Variants in GALNT7 observed in about 807,000 individuals in gnomAD.
GALNT7 encodes the protein N-acetylgalactosaminyltransferase 7.
A neutral mutation model predicts 82.1 loss-of-function variants in GALNT7; 60 were observed. That is an observed-to-expected ratio of 0.73 (90% CI 0.59 to 0.91). GALNT7 has a LOEUF of 0.91. Ranked by LOEUF, GALNT7 falls within the 40% of genes least tolerant of loss-of-function variation. GALNT7 has a pLI of 0.00. For missense variants in GALNT7, 660 were observed against 804.2 expected (o/e 0.82, Z 2.17); for synonymous variants, 243 against 275.1 (o/e 0.88, Z 1.15).
intron 5 of GALNT7, among the ~76,000 whole-genome samples, chr4:173,296,665 T>C (rs1425492791): frequency 2.0e-5 from 3 of 152,230 alleles, no homozygotes; most frequent in African/African-American, 4.8e-5. Flanking sequence ...GCTAATAAAC[T>C]GTCAGACCAA....
At chr4:173,312,995 G>T (rs988468745) in intron 8 of GALNT7, among the ~76,000 whole-genome samples, 14 of 151,998 alleles carry the variant, frequency 9.2e-5, no homozygotes, top group African/African-American at 3.4e-4. Flanking sequence ...GGAGGCAGAG[G>T]TTGCAGTGAG....
intron 1 of GALNT7, among the ~76,000 whole-genome samples, chr4:173,230,532 T>G (rs768926926): frequency 6.6e-6 from 1 of 152,216 alleles, no homozygotes; most frequent in African/African-American, 2.4e-5. Context: ...TATCATATTT[T>G]TAATGTTTTA....
chr4:173,198,080 G>GTT (rs1358867994), intron 1 of GALNT7, among the ~76,000 whole-genome samples: 2 of 149,918 alleles, frequency 1.3e-5, no homozygotes, highest in Non-Finnish European at 3.0e-5. Flanking sequence ...TTTTTTTTGA[G>GTT]ACGGAGTCTC....
At chr4:173,218,496 A>G (rs935846399) in intron 1 of GALNT7, among the ~76,000 whole-genome samples, 18 of 152,044 alleles carry the variant, frequency 1.2e-4, no homozygotes, top group African/African-American at 4.3e-4. Flanking sequence ...AACAGCATCC[A>G]AGCAGGGCCA....
chr4:173,311,731 G>A (rs1381308858), intron 8 of GALNT7, among the ~76,000 whole-genome samples: 1 of 152,162 alleles, frequency 6.6e-6, no homozygotes, highest in East Asian at 1.9e-4. Context: ...CTCCAACATT[G>A]GGGATTATAA....
At chr4:173,278,282 T>G (rs954586511) in intron 2 of GALNT7, among the ~76,000 whole-genome samples, 1 of 152,184 alleles carries the variant, frequency 6.6e-6, no homozygotes, top group Non-Finnish European at 1.5e-5. Context: ...GATATTTGAG[T>G]AAAGTGTTCA....
At chr4:173,228,683 C>CA (rs140095196) in intron 1 of GALNT7, among the ~76,000 whole-genome samples, 11 of 151,718 alleles carry the variant, frequency 7.3e-5, no homozygotes, top group Admixed American at 2.0e-4. Flanking sequence ...GATGGCTTTA[C>CA]AAAAAAAACT....
chr4:173,213,440 AG>A (rs1295857359), intron 1 of GALNT7, among the ~76,000 whole-genome samples: 1 of 152,128 alleles, frequency 6.6e-6, no homozygotes, highest in African/African-American at 2.4e-5. Context: ...GAAGCTGGCA[AG>A]AAAAAAAAAG....
intron 1 of GALNT7, among the ~76,000 whole-genome samples, chr4:173,170,843 G>A (rs79772460): frequency 0.015 from 2,256 of 152,220 alleles, 39 homozygotes; most frequent in East Asian, 0.057. Context: ...AAGAGGTGGC[G>A]GAACATCAGC....
At chr4:173,303,332 AAAG>A (rs2126850488) in intron 7 of GALNT7, among the ~76,000 whole-genome samples, 1 of 152,324 alleles carries the variant, frequency 6.6e-6, no homozygotes, top group Admixed American at 6.5e-5. Context: ...GGAAAAGTAC[AAAG>A]AAGAGAACAC....
At chr4:173,233,115 ATTTTCT>A (rs1734090767) in intron 1 of GALNT7, among the ~76,000 whole-genome samples, 1 of 152,136 alleles carries the variant, frequency 6.6e-6, no homozygotes. Flanking sequence ...TACATACCAC[ATTTTCT>A]TTATCCATTC....
chr4:173,201,958 A>G (rs961104605), intron 1 of GALNT7, among the ~76,000 whole-genome samples: 4 of 152,234 alleles, frequency 2.6e-5, no homozygotes, highest in African/African-American at 7.2e-5. Context: ...AGAGAGGAAA[A>G]TCAATCCAAA....
intron 2 of GALNT7, among the ~76,000 whole-genome samples, chr4:173,254,907 T>C (rs1431440641): frequency 1.3e-5 from 2 of 152,226 alleles, no homozygotes; most frequent in African/African-American, 4.8e-5. Context: ...CCAGATTTAC[T>C]TTAAAATAAG....
chr4:173,308,433 G>GT lies in GALNT7; in HGVS notation c.1389+4325dup, dbSNP rs553478218. ...TCACACATGAGTAAAATATGGTTTGGTTTTTTTTTTAATTTAGATAATCAT... is the reference window on the plus strand; with the variant it reads ...TCACACATGAGTAAAATATGGTTTGGTTTTTTTTTTTAATTTAGATAATCAT... On this transcript the variant is annotated intron_variant, in intron 8 of 11. Transcript: ENST00000265000. 9.0e-4 allele frequency among the ~76,000 whole-genome samples: 135 copies of GT among 149,382 alleles called. 1 individual carries two copies. Among genetic ancestry groups the GT allele is most frequent in the South Asian group, 8.3e-3 (39 of 4,674 alleles).
At chr4:173,173,268 C>T (rs1731934616) in intron 1 of GALNT7, among the ~76,000 whole-genome samples, 1 of 150,854 alleles carries the variant, frequency 6.6e-6, no homozygotes. Flanking sequence ...TCTTTGCCCT[C>T]TGGATATTTT....
rs3052274 is a variant in GALNT7 at position 173,241,223 on chromosome 4, A to AAAAAG, written c.127-6755_127-6754insAAGAA. ...CCATCTCTATTTAAAAAAAAAAAAA[A>AAAAAG]AAGAAAGAAAGAAAAGAAATAGTTG... On this transcript the variant is annotated intron_variant, in intron 1 of 11. Coordinates refer to ENST00000265000, the MANE Select transcript of GALNT7 (RefSeq NM_017423.3). Among the ~76,000 whole-genome samples the AAAAAG allele has an allele frequency of 2.7e-3, 391 of 146,696 alleles. 5 individuals are homozygous for AAAAAG. Among genetic ancestry groups the AAAAAG allele is most frequent in the South Asian group, 0.012 (55 of 4,652 alleles).
Position 173,321,667 on chromosome 4 carries a change from T to G in GALNT7, c.1924T>G (p.Ser642Ala), listed in dbSNP as rs934493425. 6.2e-7 allele frequency: 1 copy of G among 1,607,124 alleles called. No individual in the cohort carries two copies. Among genetic ancestry groups the G allele is most frequent in the African/African-American group, 1.3e-5 (1 of 74,864 alleles). ...LHQVFISNCD[S>A]SKTTQKWEMN... ...TCAAGTATTCATCTCCAATTGTGAC[T>G]CCAGTAAAACGACTCAAAAATGGGA... Residue 642 changes from serine (S) to alanine (A), a missense_variant, in exon 12 of 12, where the codon TCC (serine) becomes GCC (alanine). By Grantham distance (99) the Ser-to-Ala change is moderately conservative. Transcript: ENST00000265000.
At chr4:173,231,300 T>A (rs1292424885) in intron 1 of GALNT7, among the ~76,000 whole-genome samples, 1 of 152,200 alleles carries the variant, frequency 6.6e-6, no homozygotes, top group African/African-American at 2.4e-5. Flanking sequence ...TATAACATGA[T>A]TTTAAAAAGC....
At chr4:173,317,791 G>T in intron 10 of GALNT7, 59 bp downstream of exon 10, 1 of 1,019,342 alleles carries the variant, frequency 9.8e-7, no homozygotes, top group South Asian at 1.3e-5. Context: ...CAGGTTTATT[G>T]ATCACAGAGT....
Sources: gnomAD v4.1 joint callset for allele counts (sites outside exome capture counted in the v4.1 genomes callset) on GRCh38, gnomAD v4.1.1 for gene constraint, MANE v1.5 for transcripts, NCBI Gene and HGNC (gene_info 2026-07-23, HGNC 2026-07-21) for gene names.